SCARF1: variants seen among roughly 807,000 people sequenced by gnomAD.
The protein encoded by SCARF1 is scavenger receptor class F member 1.
SCARF1 carries 49 observed loss-of-function variants against 76.3 expected under a neutral mutation model. That is an observed-to-expected ratio of 0.64 (90% CI 0.51 to 0.81). The LOEUF (loss-of-function observed/expected upper bound fraction) is 0.81, where lower values mean the gene tolerates loss of function less well. SCARF1 is among the 40% of genes least tolerant of loss of function. The pLI is 0.00. For synonymous variants in SCARF1, 495 were observed against 474.6 expected (o/e 1.04, Z -0.56); for missense variants, 1,098 against 1,143.9 (o/e 0.96, Z 0.58).
At position 1,643,568 on chromosome 17, in the gene SCARF1, T is replaced by C; in HGVS notation, c.665A>G (p.Gln222Arg). 1 of 1,473,810 alleles carries C rather than the reference T, an allele frequency of 6.8e-7. No homozygotes were observed. 91.3% of individuals were successfully genotyped at this position (1,473,810 alleles called of 1,614,324 possible). Reference sequence around the variant, plus strand: ...GCAGCGGCCCCGCACACACTCGCACTGCTGCTGGCATTCGGGACCCCACCA... The same window carrying C: ...GCAGCGGCCCCGCACACACTCGCACCGCTGCTGGCATTCGGGACCCCACCA... ...PGWWGPECQQ[Q>R]CECVRGRCSA... Residue 222 changes from glutamine to arginine, a missense_variant, in exon 4 of 11, where the codon CAG (glutamine) becomes CGG (arginine). Transcript: ENST00000263071.
rs377102796 is a variant in SCARF1 at position 1,635,382 on chromosome 17, C to A, written c.1869G>T (p.Ala623=). ...LRKPKRLSRG[A]QSGPEGREAE... ...CTTCCCGGCCCTCAGGACCCGACTGCGCCCCCCGGGAGAGCCTCTTGGGCT... is the reference window on the plus strand; with the variant it reads ...CTTCCCGGCCCTCAGGACCCGACTGAGCCCCCCGGGAGAGCCTCTTGGGCT... The change falls in exon 11 of 11, where the codon GCG becomes GCT. Residue 623 remains alanine, a synonymous_variant. Coordinates refer to ENST00000263071, the MANE Select transcript of SCARF1 (RefSeq NM_003693.4). The A allele has an allele frequency of 1.5e-5, 25 of 1,613,068 alleles. No individual in the cohort carries two copies. The East Asian group carries it at 4.7e-4, about 30-fold the overall frequency.
chr17:1,645,261 G>A lies in SCARF1; in HGVS notation c.102-22C>T. ...GGGGCTGTGGGGCAAAAAGGGGTCA[G>A]CCGGACATGGTGGGGGGTGCAGCCT... On this transcript the variant is annotated intron_variant, in intron 1 of 10. Coordinates refer to ENST00000263071, the MANE Select transcript of SCARF1 (RefSeq NM_003693.4). The surrounding 1 kb of genome is among the most constrained non-coding windows in gnomAD (Gnocchi z 6.3). 6.2e-7 allele frequency: 1 copy of A among 1,611,872 alleles called. No individual in the cohort carries two copies. The highest frequency in any genetic ancestry group is 8.5e-7 in the Non-Finnish European group (1 of 1,179,754).
Position 1,634,424 on chromosome 17 carries a change from T to C in SCARF1, c.*334A>G. 2.5e-6 allele frequency: 1 copy of C among 397,558 alleles called. No individual in the cohort carries two copies. The highest frequency in any genetic ancestry group is 4.4e-6 in the Non-Finnish European group (1 of 226,080). 24.6% of individuals were successfully genotyped at this position (397,558 alleles called of 1,614,324 possible). A position where few individuals can be genotyped will look rare whatever the true frequency, so the allele number is the denominator to read the frequency against. Reference sequence around the variant, plus strand: ...AAAAAAATTTGTTTAGCCAATCTTTTATCAGCAAACATGTAGGTTGTTTGC... The same window carrying C: ...AAAAAAATTTGTTTAGCCAATCTTTCATCAGCAAACATGTAGGTTGTTTGC... On this transcript the variant is annotated 3_prime_UTR_variant, in exon 11 of 11. Transcript: ENST00000263071.
intron 6 of SCARF1, 56 bp from the exon 7 acceptor site, chr17:1,639,798 C>T: frequency 6.2e-7 from 1 of 1,606,070 alleles, no homozygotes; most frequent in Non-Finnish European, 8.5e-7. Flanking sequence ...GGGAGGCAGG[C>T]AGGAGACGGG....
chr17:1,637,071 G>A lies in SCARF1; in HGVS notation c.1365-9C>T, dbSNP rs1354409410. ...CTCCATCTCTCGCTGGCCTGAGGGA[G>A]GAGGGTAGGGACACTGGTCAGTACA... is the stretch of plus-strand genomic sequence containing the variant. On this transcript the variant is annotated splice_polypyrimidine_tract_variant and intron_variant, in intron 8 of 10. Coordinates refer to ENST00000263071, the MANE Select transcript of SCARF1 (RefSeq NM_003693.4). 1 of 1,613,688 alleles carries A rather than the reference G, an allele frequency of 6.2e-7. No homozygotes were observed. Among genetic ancestry groups the A allele is most frequent in the Middle Eastern group, 1.7e-4 (1 of 5,978 alleles).
At chr17:1,642,180 A>C (rs1232012551) in intron 4 of SCARF1, among the ~76,000 whole-genome samples, 2 of 150,514 alleles carry the variant, frequency 1.3e-5, no homozygotes, top group Non-Finnish European at 3.0e-5. Flanking sequence ...AAATATATTT[A>C]TATATATTTT....
rs1909627304 is a variant in SCARF1 at position 1,636,991 on chromosome 17, G to T, written c.1436C>A (p.Ser479Tyr). The T allele has an allele frequency of 6.2e-7, 1 of 1,613,850 alleles. No homozygotes were observed. Among genetic ancestry groups the T allele is most frequent in the African/African-American group, 1.3e-5 (1 of 74,902 alleles). ...QVWGTLTSLGSTLPCRSLSSH... is the reference protein window; with the variant it reads ...QVWGTLTSLGYTLPCRSLSSH... Reference sequence around the variant, plus strand: ...GCTGAGGGAACGGCAGGGCAGCGTGGAGCCCAAGCTGGTCAGTGTCCCCCA... The same window carrying T: ...GCTGAGGGAACGGCAGGGCAGCGTGTAGCCCAAGCTGGTCAGTGTCCCCCA... The change falls in exon 9 of 11, where the codon TCC (serine) becomes TAC (tyrosine). Residue 479 changes from serine (S) to tyrosine (Y), a missense_variant. Ser to Tyr is a moderately radical substitution (Grantham distance 144, BLOSUM62 -2). Coordinates refer to ENST00000263071, the MANE Select transcript of SCARF1 (RefSeq NM_003693.4).
chr17:1,644,012 C>G lies in SCARF1; in HGVS notation c.266-45G>C. ...AGGGGTCAGCGGGCTCAGGGCCGCGCGCAGACCCTTACCCTGCGTCCCCTT... is the reference window on the plus strand; with the variant it reads ...AGGGGTCAGCGGGCTCAGGGCCGCGGGCAGACCCTTACCCTGCGTCCCCTT... On this transcript the variant is annotated intron_variant, in intron 3 of 10. Coordinates refer to ENST00000263071, the MANE Select transcript of SCARF1 (RefSeq NM_003693.4). The surrounding 1 kb of genome is among the most constrained non-coding windows in gnomAD (Gnocchi z 4.8). 1.6e-6 allele frequency: 2 copies of G among 1,276,906 alleles called. No homozygotes were observed. Among genetic ancestry groups the G allele is most frequent in the Non-Finnish European group, 2.0e-6 (2 of 1,007,690 alleles). 79.1% of individuals were successfully genotyped at this position (1,276,906 alleles called of 1,614,324 possible).
rs1228189704 is a variant in SCARF1 at position 1,635,478 on chromosome 17, G to A, written c.1773C>T (p.Ser591=). Residue 591 remains serine (S), a synonymous_variant, in exon 11 of 11, where the codon TCC becomes TCT. Coordinates refer to ENST00000263071, the MANE Select transcript of SCARF1 (RefSeq NM_003693.4). ...SLARAKRPSV[S]FAEGTKFAPQ... ...GTGCAAACTTGGTACCTTCCGCGAA[G>A]GAGACCGATGGCCGCTTGGCCCGAG... 8.7e-6 allele frequency: 14 copies of A among 1,613,948 alleles called. No homozygotes were observed. Among genetic ancestry groups the A allele is most frequent in the Non-Finnish European group, 1.0e-5 (12 of 1,179,972 alleles).
intron 7 of SCARF1, among the ~76,000 whole-genome samples, chr17:1,639,133 C>G (rs569665530): frequency 2.0e-5 from 3 of 152,340 alleles, no homozygotes; most frequent in African/African-American, 4.8e-5. Flanking sequence ...TTTCACGGCT[C>G]TAGCCTGGTT....
intron 8 of SCARF1, 98 bp downstream of exon 8, chr17:1,638,708 A>T: frequency 7.5e-7 from 1 of 1,341,586 alleles, no homozygotes; most frequent in Non-Finnish European, 9.8e-7. Context: ...CACGTGGGCA[A>T]CAAGGCCAGC....
chr17:1,637,826 T>C (rs1239268207), intron 8 of SCARF1, among the ~76,000 whole-genome samples: 1 of 152,122 alleles, frequency 6.6e-6, no homozygotes, highest in Admixed American at 6.5e-5. Context: ...CCCACTCTGC[T>C]CTACCCCCAC....
intron 8 of SCARF1, 28 bp downstream of exon 8, chr17:1,638,778 T>C (rs894273303): frequency 3.2e-6 from 5 of 1,584,860 alleles, no homozygotes; most frequent in Non-Finnish European, 4.3e-6. Context: ...GCCTGAGCTG[T>C]GTGGGGAAGG....
chr17:1,643,374 C>G, intron 4 of SCARF1, 68 bp downstream of exon 4: 4 of 676,158 alleles, frequency 5.9e-6, no homozygotes, highest in Non-Finnish European at 7.8e-6. Flanking sequence ...GTCTCCGCCC[C>G]GCCCCGCCTG....
rs1041803315 is a variant in SCARF1 at position 1,639,636 on chromosome 17, T to C, written c.1243+3A>G. Reference sequence around the variant, plus strand: ...TGCACCCCGCAGCCTTCTTCCACCTTACCTGGCTGGCAGGACCCAGAGACA... The same window carrying C: ...TGCACCCCGCAGCCTTCTTCCACCTCACCTGGCTGGCAGGACCCAGAGACA... On this transcript the variant is annotated splice_donor_region_variant and intron_variant, in intron 7 of 10. Transcript: ENST00000263071. The C allele has an allele frequency of 5.1e-6, 8 of 1,558,364 alleles. No homozygotes were observed. In the African/African-American group the frequency reaches 9.5e-5, roughly 18 times the overall value.
intron 10 of SCARF1, among the ~76,000 whole-genome samples, chr17:1,636,431 C>G (rs552621538): frequency 6.6e-5 from 10 of 152,186 alleles, no homozygotes; most frequent in South Asian, 4.2e-4. Flanking sequence ...CTGGCTAACA[C>G]GGTGAAACCC....
Position 1,640,420 on chromosome 17 carries a change from C to G in SCARF1, c.1010+28G>C, listed in dbSNP as rs776005597. On this transcript the variant is annotated intron_variant, in intron 5 of 10. Transcript: ENST00000263071. The surrounding 1 kb of genome is among the most constrained non-coding windows in gnomAD (Gnocchi z 4.7). ...CTGAGGGTCCTGGGGGAAGGTGTAC[C>G]CCACCCTGAACAGAATGGTGCCCTC... 1 of 1,533,042 alleles carries G rather than the reference C, an allele frequency of 6.5e-7. No homozygotes were observed. Among genetic ancestry groups the G allele is most frequent in the Admixed American group, 2.0e-5 (1 of 50,846 alleles). 95.0% of individuals were successfully genotyped at this position (1,533,042 alleles called of 1,614,324 possible).
intron 8 of SCARF1, 199 bp downstream of exon 8, chr17:1,638,607 G>A (rs1182134680): frequency 3.8e-6 from 2 of 531,792 alleles, no homozygotes; most frequent in Non-Finnish European, 6.1e-6. Flanking sequence ...TCTGACCTAC[G>A]TGGGCGACAA....
At chr17:1,638,748 C>T (rs1160661558) in intron 8 of SCARF1, 58 bp downstream of exon 8, 2 of 1,479,440 alleles carry the variant, frequency 1.4e-6, no homozygotes, top group South Asian at 2.8e-5. Context: ...AACCAGATGC[C>T]CCCCTGCTCC....
Sources: gnomAD v4.1 joint callset for allele counts (sites outside exome capture counted in the v4.1 genomes callset) on GRCh38, gnomAD v4.1.1 for gene constraint, Gnocchi (gnomAD v3.1) non-coding constraint, MANE v1.5 for transcripts, NCBI Gene and HGNC (gene_info 2026-07-23, HGNC 2026-07-21) for gene names.